Variants in SMOC2 observed in about 807,000 individuals in gnomAD.
SMOC2 encodes the protein SPARC related modular calcium binding 2.
Under a neutral mutation model 61.4 loss-of-function variants are expected in SMOC2, and 39 were observed. The ratio of observed to expected loss-of-function variants is 0.64; its 90% CI spans 0.49 to 0.83. The LOEUF (loss-of-function observed/expected upper bound fraction) is 0.83, where lower values mean the gene tolerates loss of function less well. Ranked by LOEUF, SMOC2 falls within the 40% of genes least tolerant of loss-of-function variation. SMOC2 has a pLI of 0.00. For synonymous variants in SMOC2, 247 were observed against 239.9 expected (o/e 1.03, Z -0.27); for missense variants, 556 against 592.9 (o/e 0.94, Z 0.65).
chr6:168,490,403 C>A (rs117552744), intron 1 of SMOC2, among the ~76,000 whole-genome samples: 1 of 152,152 alleles, frequency 6.6e-6, no homozygotes, highest in Non-Finnish European at 1.5e-5. Flanking sequence ...CGTCAAGGCG[C>A]GCAGCATACA....
chr6:168,448,108 C>T (rs912539133), intron 1 of SMOC2, among the ~76,000 whole-genome samples: 1 of 152,170 alleles, frequency 6.6e-6, no homozygotes, highest in African/African-American at 2.4e-5. Flanking sequence ...AGGCCCAAAC[C>T]GACCTGCGAT....
chr6:168,558,880 C>G (rs28704084), intron 7 of SMOC2, among the ~76,000 whole-genome samples: 1 of 116,642 alleles, frequency 8.6e-6, no homozygotes, highest in African/African-American at 3.7e-5. Context: ...CATGTGTGTG[C>G]GTGTGTGCGT....
chr6:168,618,481 G>T (rs11969678), intron 9 of SMOC2, among the ~76,000 whole-genome samples: 2 of 129,688 alleles, frequency 1.5e-5, no homozygotes, highest in East Asian at 2.3e-4. Flanking sequence ...GGCGGGTAGT[G>T]GCATTAGGAG....
At chr6:168,555,232 G>T (rs778389200) in intron 7 of SMOC2, among the ~76,000 whole-genome samples, 1 of 152,248 alleles carries the variant, frequency 6.6e-6, no homozygotes, top group Admixed American at 6.5e-5. Flanking sequence ...GTGCTTAAAG[G>T]CTATTTCATG....
At chr6:168,518,504 A>C (rs549707298) in intron 2 of SMOC2, among the ~76,000 whole-genome samples, 2 of 120,570 alleles carry the variant, frequency 1.7e-5, no homozygotes, top group Non-Finnish European at 3.6e-5. Context: ...TGCATGTGTG[A>C]ATGTGTGTAA....
chr6:168,453,245 G>A lies in SMOC2; in HGVS notation c.84+11791G>A, dbSNP rs1781504955. 6.6e-6 allele frequency among the ~76,000 whole-genome samples: 1 copy of A among 152,152 alleles called. No individual in the cohort carries two copies. Reference sequence around the variant, plus strand: ...GGAGGAACTCGGGACCCAGGGCTGTGCCCCAAGAGGGTGTGGGGCAGCCAG... The same window carrying A: ...GGAGGAACTCGGGACCCAGGGCTGTACCCCAAGAGGGTGTGGGGCAGCCAG... On this transcript the variant is annotated intron_variant, in intron 1 of 12. Transcript: ENST00000356284. The surrounding 1 kb of genome is among the most constrained non-coding windows in gnomAD (Gnocchi z 4.4).
chr6:168,611,505 C>T (rs1365667492), intron 9 of SMOC2, among the ~76,000 whole-genome samples: 2 of 112,014 alleles, frequency 1.8e-5, no homozygotes, highest in African/African-American at 7.5e-5. Flanking sequence ...GCTCCCGTGT[C>T]GGGCCTGGCC....
intron 1 of SMOC2, among the ~76,000 whole-genome samples, chr6:168,498,806 G>C (rs1217500033): frequency 8.3e-6 from 1 of 120,190 alleles, no homozygotes; most frequent in Non-Finnish European, 2.0e-5. Context: ...AGAGTCTCTG[G>C]GGGGATGGCC....
At chr6:168,609,134 A>G (rs1225666765) in intron 9 of SMOC2, among the ~76,000 whole-genome samples, 6 of 152,238 alleles carry the variant, frequency 3.9e-5, no homozygotes, top group Admixed American at 3.9e-4. Context: ...ATTCCACAAC[A>G]TGAGTAACGA....
chr6:168,520,558 G>A (rs530489446), intron 2 of SMOC2, among the ~76,000 whole-genome samples: 22 of 152,340 alleles, frequency 1.4e-4, no homozygotes, highest in Non-Finnish European at 2.9e-4. Context: ...GTGACCTCGC[G>A]AGATCCAGAG....
chr6:168,567,620 T>C (rs183155219), intron 7 of SMOC2, among the ~76,000 whole-genome samples: 26 of 152,298 alleles, frequency 1.7e-4, no homozygotes, highest in Admixed American at 1.3e-3. Flanking sequence ...TTTAGTCGTT[T>C]TCAGAGGTGG....
At chr6:168,664,051 A>G (rs1179890930) in intron 11 of SMOC2, 23 bp from the exon 12 acceptor site, 3 of 1,587,232 alleles carry the variant, frequency 1.9e-6, no homozygotes, top group Admixed American at 3.4e-5. Context: ...ATTTTTAATA[A>G]TATCTTTTTT....
intron 4 of SMOC2, among the ~76,000 whole-genome samples, chr6:168,539,764 C>T (rs1039450286): frequency 1.8e-4 from 27 of 152,230 alleles, no homozygotes; most frequent in African/African-American, 6.5e-4. Flanking sequence ...TCTCCTGGCC[C>T]TCCCGGTCCA....
intron 1 of SMOC2, among the ~76,000 whole-genome samples, chr6:168,476,596 A>C (rs1782093784): frequency 6.6e-6 from 1 of 151,942 alleles, no homozygotes; most frequent in African/African-American, 2.4e-5. Context: ...TATGGTTTTT[A>C]CATGATTTTA....
intron 7 of SMOC2, among the ~76,000 whole-genome samples, chr6:168,579,264 A>C (rs1784873673): frequency 6.6e-6 from 1 of 152,222 alleles, no homozygotes; most frequent in African/African-American, 2.4e-5. Flanking sequence ...AATTTTTTAA[A>C]GCCACTATTT....
chr6:168,592,343 G>A (rs1205910407), intron 7 of SMOC2, among the ~76,000 whole-genome samples: 2 of 132,484 alleles, frequency 1.5e-5, no homozygotes, highest in Non-Finnish European at 3.4e-5. Context: ...GGATCTCCGA[G>A]CTCCTCCTCC....
rs908939752 is a variant in SMOC2, at chr6:168,452,069, G to A, written c.84+10615G>A. Among the ~76,000 whole-genome samples, 4 of 152,184 alleles carry A rather than the reference G, an allele frequency of 2.6e-5. No homozygotes were observed. Among genetic ancestry groups the A allele is most frequent in the African/African-American group, 4.8e-5 (2 of 41,450 alleles). Reference sequence around the variant, plus strand: ...GAGCTCTGTCTTTTAGGGGAGGGTCGCATGGTGGGGTCTGGGGTTACCACC... The same window carrying A: ...GAGCTCTGTCTTTTAGGGGAGGGTCACATGGTGGGGTCTGGGGTTACCACC... On this transcript the variant is annotated intron_variant, in intron 1 of 12. Transcript: ENST00000356284. This position sits in a 1 kb window ranked among gnomAD's most constrained non-coding sequence, Gnocchi z 5.0.
At chr6:168,615,533 TTACAGCCGGCACAGGGCCTCTTTACATC>T (rs1466268099) in intron 9 of SMOC2, among the ~76,000 whole-genome samples, 1,088 of 96,522 alleles carry the variant, frequency 0.011, 4 homozygotes, top group Middle Eastern at 0.022. Flanking sequence ...ATCTTCATAC[TTACAGCCGGCACAGGGCCTCTTTACATC>T]TACAGCCAGC....
intron 3 of SMOC2, among the ~76,000 whole-genome samples, chr6:168,526,747 G>A (rs1483542443): frequency 6.6e-6 from 1 of 152,132 alleles, no homozygotes; most frequent in Non-Finnish European, 1.5e-5. Context: ...TCCTTAGTGA[G>A]GCCAATTAGA....
Sources: allele counts gnomAD v4.1 joint callset (sites outside exome capture counted in the v4.1 genomes callset), GRCh38; gene constraint gnomAD v4.1.1; non-coding constraint Gnocchi (gnomAD v3.1); transcripts MANE v1.5; gene names NCBI Gene and HGNC (gene_info 2026-07-23, HGNC 2026-07-21).